CTNND2: variants seen among roughly 807,000 people sequenced by gnomAD.
CTNND2 encodes catenin delta-2.
A neutral mutation model predicts 144.4 loss-of-function variants in CTNND2; 22 were observed. That is an observed-to-expected ratio of 0.15 (90% CI 0.11 to 0.22). CTNND2 has a LOEUF of 0.22. Among genes scored for constraint, CTNND2 ranks in the 10% least tolerant of loss-of-function variants. The pLI is 1.00. For missense variants in CTNND2, 1,353 were observed against 1,618.8 expected (o/e 0.84, Z 2.82); for synonymous variants, 751 against 695.6 (o/e 1.08, Z -1.25).
At chr5:11,702,531 A>C (rs185353487) in intron 2 of CTNND2, among the ~76,000 whole-genome samples, 1 of 152,294 alleles carries the variant, frequency 6.6e-6, no homozygotes, top group East Asian at 1.9e-4. Context: ...CACAACAATT[A>C]GTGCTTCTAT....
At chr5:11,128,062 T>C (rs1754856736) in intron 12 of CTNND2, among the ~76,000 whole-genome samples, 2 of 151,540 alleles carry the variant, frequency 1.3e-5, no homozygotes, top group Non-Finnish European at 2.9e-5. Flanking sequence ...GGAATTAAGG[T>C]TACAATGTTT....
intron 2 of CTNND2, among the ~76,000 whole-genome samples, chr5:11,730,509 G>A (rs1447882134): frequency 6.6e-6 from 1 of 152,028 alleles, no homozygotes; most frequent in East Asian, 1.9e-4. Context: ...TCTTTTTTGG[G>A]CCCATTGGGT....
chr5:11,111,848 ATT>A (rs1167662692), intron 13 of CTNND2, among the ~76,000 whole-genome samples: 12 of 140,522 alleles, frequency 8.5e-5, no homozygotes, highest in Admixed American at 2.1e-4. Context: ...GAAGGTCTAC[ATT>A]TTTTTTTTTT....
chr5:11,089,999 ACT>A (rs1750596672), intron 15 of CTNND2, among the ~76,000 whole-genome samples: 1 of 152,030 alleles, frequency 6.6e-6, no homozygotes, highest in South Asian at 2.1e-4. Context: ...ACAGAACGAA[ACT>A]CTGTCTCAAA....
At chr5:11,629,266 A>G (rs1781304432) in intron 2 of CTNND2, among the ~76,000 whole-genome samples, 1 of 144,482 alleles carries the variant, frequency 6.9e-6, no homozygotes, top group Admixed American at 6.7e-5. Flanking sequence ...GTTAAACAAC[A>G]ACAACAACAA....
At chr5:11,513,733 T>A (rs538610645) in intron 3 of CTNND2, among the ~76,000 whole-genome samples, 1 of 152,310 alleles carries the variant, frequency 6.6e-6, no homozygotes, top group Admixed American at 6.5e-5. Context: ...TTTGCAAATG[T>A]GCCTAACTAC....
At chr5:11,873,622 G>C (rs1735328787) in intron 1 of CTNND2, among the ~76,000 whole-genome samples, 1 of 152,210 alleles carries the variant, frequency 6.6e-6, no homozygotes, top group Admixed American at 6.5e-5. Flanking sequence ...AGAAATATCA[G>C]ATGGAATTAT....
At chr5:11,317,074 A>G (rs1364116003) in intron 9 of CTNND2, among the ~76,000 whole-genome samples, 1 of 152,222 alleles carries the variant, frequency 6.6e-6, no homozygotes, top group Non-Finnish European at 1.5e-5. Context: ...AAAAATGCTC[A>G]TCATCACTGG....
At chr5:11,466,841 G>C (rs946774430) in intron 3 of CTNND2, among the ~76,000 whole-genome samples, 2 of 152,164 alleles carry the variant, frequency 1.3e-5, no homozygotes, top group Non-Finnish European at 2.9e-5. Flanking sequence ...TCATTTTCTG[G>C]GAAAACGATG....
chr5:11,560,526 T>A (rs1346784551), intron 3 of CTNND2, among the ~76,000 whole-genome samples: 1 of 152,152 alleles, frequency 6.6e-6, no homozygotes, highest in Non-Finnish European at 1.5e-5. Flanking sequence ...CTTGGAGAAA[T>A]CCCTACCCAT....
intron 2 of CTNND2, among the ~76,000 whole-genome samples, chr5:11,649,768 T>A (rs991651476): frequency 6.6e-6 from 1 of 152,210 alleles, no homozygotes; most frequent in African/African-American, 2.4e-5. Context: ...AGGTTTTATA[T>A]TATTAATATA....
At chr5:11,704,930 C>T (rs1785624608) in intron 2 of CTNND2, among the ~76,000 whole-genome samples, 1 of 151,550 alleles carries the variant, frequency 6.6e-6, no homozygotes, top group Non-Finnish European at 1.5e-5. Context: ...TAAGGACACA[C>T]AAAGTCAGTG....
At chr5:11,070,667 C>G (rs928997823) in intron 16 of CTNND2, among the ~76,000 whole-genome samples, 3 of 149,858 alleles carry the variant, frequency 2.0e-5, no homozygotes, top group Admixed American at 6.7e-5. Flanking sequence ...AGCCATAAGA[C>G]AACAGAATAA....
chr5:11,707,646 T>C (rs1455205336), intron 2 of CTNND2, among the ~76,000 whole-genome samples: 1 of 152,250 alleles, frequency 6.6e-6, no homozygotes, highest in East Asian at 1.9e-4. Flanking sequence ...TATTAAATGC[T>C]AAATTTTCAA....
chr5:11,741,684 G>A (rs552507073), intron 1 of CTNND2, among the ~76,000 whole-genome samples: 41 of 151,150 alleles, frequency 2.7e-4, no homozygotes, highest in South Asian at 6.3e-4. Flanking sequence ...AAACCTGCAC[G>A]TTGTACACAT....
chr5:11,815,897 C>A (rs1792606093), intron 1 of CTNND2, among the ~76,000 whole-genome samples: 1 of 152,136 alleles, frequency 6.6e-6, no homozygotes, highest in Non-Finnish European at 1.5e-5. Context: ...AGAGAAAAGG[C>A]TCCTCCTCAT....
intron 11 of CTNND2, among the ~76,000 whole-genome samples, chr5:11,183,126 T>C (rs1443485169): frequency 6.6e-6 from 1 of 152,228 alleles, no homozygotes; most frequent in Non-Finnish European, 1.5e-5. Flanking sequence ...AATGTGAAGT[T>C]TATACATGAC....
intron 5 of CTNND2, among the ~76,000 whole-genome samples, chr5:11,408,386 A>T (rs892004819): frequency 1.3e-5 from 2 of 152,156 alleles, no homozygotes; most frequent in African/African-American, 4.8e-5. Context: ...GTTTTTACTC[A>T]GTTACTTCAG....
chr5:11,877,977 T>C (rs946759611), intron 1 of CTNND2, among the ~76,000 whole-genome samples: 5 of 152,112 alleles, frequency 3.3e-5, no homozygotes, highest in Non-Finnish European at 5.9e-5. Context: ...ACTTTGTATA[T>C]GGCAGAAACA....
Sources: gnomAD v4.1 joint callset for allele counts (sites outside exome capture counted in the v4.1 genomes callset) on GRCh38, gnomAD v4.1.1 for gene constraint, MANE v1.5 for transcripts, NCBI Gene and HGNC (gene_info 2026-07-23, HGNC 2026-07-21) for gene names.